The following PCDHGA7 variants were observed in gnomAD, a reference collection of about 807,000 sequenced individuals.
The protein encoded by PCDHGA7 is protocadherin gamma-A7.
In PCDHGA7, 44 loss-of-function variants were observed where a neutral mutation model predicts 58.3. That is an observed-to-expected ratio of 0.75 (90% CI 0.59 to 0.97). The LOEUF is 0.97. Among genes scored for constraint, PCDHGA7 ranks in the 50% least tolerant of loss-of-function variants. The probability of loss-of-function intolerance (pLI) is 0.00; values close to 1 mark genes in which losing one functional copy is unlikely to be tolerated. For synonymous variants in PCDHGA7, 516 were observed against 504.2 expected (o/e 1.02, Z -0.31); for missense variants, 1,266 against 1,188.7 (o/e 1.06, Z -0.96).
chr5:141,400,333 C>T (rs538201613), intron 1 of PCDHGA7: 2 of 1,614,032 alleles, frequency 1.2e-6, no homozygotes, highest in East Asian at 2.2e-5. Context: ...ACCTGTGGTT[C>T]CCCCCAACTA....
At chr5:141,406,277 C>T (rs1462690693) in intron 1 of PCDHGA7, among the ~76,000 whole-genome samples, 1 of 151,986 alleles carries the variant, frequency 6.6e-6, no homozygotes, top group Non-Finnish European at 1.5e-5. Flanking sequence ...GCTTCAGTTT[C>T]CCAAAGCACT....
rs777133589 is a variant in PCDHGA7, at chr5:141,390,020, C to G, written c.2424+4697C>G. The stretch of plus-strand genomic sequence containing the variant: ...CCATGATTCTGGCCATTGCCTTGCG[C>G]CTGCGACGCTCCTCCAGCCCCGCCT... On this transcript the variant is annotated intron_variant, in intron 1 of 3. Transcript: ENST00000518325. 4 of 1,613,930 alleles carry G rather than the reference C, an allele frequency of 2.5e-6. No homozygotes were observed. The African/African-American group carries it at 5.3e-5, about 22-fold the overall frequency.
chr5:141,456,773 G>A (rs1178932462), intron 1 of PCDHGA7, among the ~76,000 whole-genome samples: 6 of 151,980 alleles, frequency 3.9e-5, no homozygotes, highest in African/African-American at 1.2e-4. Context: ...GACCAGCCTG[G>A]CCTACATGGC....
intron 1 of PCDHGA7, among the ~76,000 whole-genome samples, chr5:141,466,558 C>T (rs1407160827): frequency 6.6e-6 from 1 of 152,120 alleles, no homozygotes; most frequent in Non-Finnish European, 1.5e-5. Flanking sequence ...CTGTGGGCTT[C>T]ATCTTCAACA....
intron 1 of PCDHGA7, among the ~76,000 whole-genome samples, chr5:141,466,436 G>A (rs181613158): frequency 1.3e-5 from 2 of 152,270 alleles, no homozygotes; most frequent in East Asian, 1.9e-4. Context: ...AAGCTGAACC[G>A]AGATGTCTAT....
At chr5:141,465,812 T>A (rs533291720) in intron 1 of PCDHGA7, among the ~76,000 whole-genome samples, 1 of 152,082 alleles carries the variant, frequency 6.6e-6, no homozygotes, top group South Asian at 2.1e-4. Flanking sequence ...TTCAGGATCT[T>A]GATCACATTT....
intron 1 of PCDHGA7, chr5:141,417,646 C>G: frequency 1.3e-6 from 1 of 797,874 alleles, no homozygotes. Context: ...GATCCCTCAG[C>G]CTCTAGCCTG....
chr5:141,433,199 ATCT>A (rs1202688924), intron 1 of PCDHGA7: 4 of 1,579,570 alleles, frequency 2.5e-6, no homozygotes, highest in East Asian at 2.2e-5. Context: ...TTTATATCAA[ATCT>A]TCTTTCTTTT....
At position 141,470,884 on chromosome 5, in the gene PCDHGA7, G is replaced by T. The variant is rs2099243316; in HGVS notation, c.2425-23923G>T. 3.3e-5 allele frequency among the ~76,000 whole-genome samples: 5 copies of T among 151,648 alleles called. No individual in the cohort carries two copies. In the South Asian group the frequency reaches 1.0e-3, roughly 32 times the overall value. On this transcript the variant is annotated intron_variant, in intron 1 of 3. Coordinates refer to ENST00000518325, the MANE Select transcript of PCDHGA7 (RefSeq NM_018920.4). ...TTTGTTTGTTTGTTTTTTTGTTTTT[G>T]TTTTTGTTTTTTGTAGAGATGGGAC...
intron 3 of PCDHGA7, 119 bp downstream of exon 3, chr5:141,505,600 G>T: frequency 1.3e-6 from 2 of 1,554,224 alleles, no homozygotes; most frequent in Middle Eastern, 3.4e-4. Context: ...AGATCTTTCG[G>T]CAGGTCTGAA....
At chr5:141,433,070 CCCCAG>C in intron 1 of PCDHGA7, 1 of 1,614,174 alleles carries the variant, frequency 6.2e-7, no homozygotes, top group Non-Finnish European at 8.5e-7. Context: ...CCTGATCTTC[CCCCAG>C]CCCAACTATG....
At chr5:141,415,885 C>G in intron 1 of PCDHGA7, 2 of 979,016 alleles carry the variant, frequency 2.0e-6, no homozygotes, top group Non-Finnish European at 2.7e-6. Flanking sequence ...ACAATATTGA[C>G]AATTCCTAAG....
chr5:141,509,157 C>T lies in PCDHGA7; in HGVS notation c.2573-1790C>T, dbSNP rs369133984. Among the ~76,000 whole-genome samples the T allele has an allele frequency of 2.6e-4, 40 of 152,314 alleles. No individual in the cohort carries two copies. In the South Asian group the frequency reaches 7.0e-3, roughly 27 times the overall value. On this transcript the variant is annotated intron_variant, in intron 3 of 3. Transcript: ENST00000518325. The stretch of plus-strand genomic sequence containing the variant: ...GAGGCGCATCCCGGCTCTCCCCTCC[C>T]GTGTGCCCTCCTCCTCTTATGCCGG...
At chr5:141,404,841 G>C (rs765291212) in intron 1 of PCDHGA7, 4 of 1,613,886 alleles carry the variant, frequency 2.5e-6, no homozygotes, top group African/African-American at 1.3e-5. Context: ...CGCACAGCTC[G>C]GGCCCTGCTA....
chr5:141,476,357 C>G lies in PCDHGA7; in HGVS notation c.2425-18450C>G. On this transcript the variant is annotated intron_variant, in intron 1 of 3. Transcript: ENST00000518325. The surrounding 1 kb of genome is among the most constrained non-coding windows in gnomAD (Gnocchi z 7.6). ...TAGCCGAAGATTCTTTGAGGTGAAC[C>G]GGGAGACCGGAGAGATGTTTGTGAA... The G allele has an allele frequency of 6.2e-7, 1 of 1,614,052 alleles. No individual in the cohort carries two copies. Among genetic ancestry groups the G allele is most frequent in the South Asian group, 1.1e-5 (1 of 91,078 alleles).
chr5:141,422,276 T>G, intron 1 of PCDHGA7: 3 of 1,558,820 alleles, frequency 1.9e-6, no homozygotes, highest in South Asian at 1.3e-5. Context: ...GAAATAACTA[T>G]CACCTCTTCT....
chr5:141,497,218 GA>G (rs1172998466), intron 2 of PCDHGA7, among the ~76,000 whole-genome samples: 1 of 149,792 alleles, frequency 6.7e-6, no homozygotes, highest in Non-Finnish European at 1.5e-5. Flanking sequence ...ATGGGGGGGG[GA>G]AGATCAGAGA....
At chr5:141,408,450 A>C in intron 1 of PCDHGA7, 1 of 1,613,944 alleles carries the variant, frequency 6.2e-7, no homozygotes, top group Non-Finnish European at 8.5e-7. Flanking sequence ...GAGAGCGGGG[A>C]CTTACTTGTG....
rs61612330 is a variant in PCDHGA7 at position 141,454,796 on chromosome 5, A to ATTTTTTTTTTTTTTTTTTTTTTTTT, written c.2425-40006_2425-39982dup. ...AAGGAAATAATCCTCCATGGTTCTA[A>ATTTTTTTTTTTTTTTTTTTTTTTTT]TTTTTTTTTTTTTTTTTTTTTTTTT... On this transcript the variant is annotated intron_variant, in intron 1 of 3. Coordinates refer to ENST00000518325, the MANE Select transcript of PCDHGA7 (RefSeq NM_018920.4). Among the ~76,000 whole-genome samples, 7 of 77,408 alleles carry ATTTTTTTTTTTTTTTTTTTTTTTTT rather than the reference A, an allele frequency of 9.0e-5. 1 individual carries two copies. Among genetic ancestry groups the ATTTTTTTTTTTTTTTTTTTTTTTTT allele is most frequent in the East Asian group, 4.0e-4 (1 of 2,514 alleles). 50.8% of individuals were successfully genotyped at this position (77,408 alleles called of 152,430 possible). A position where few individuals can be genotyped will look rare whatever the true frequency, so the allele number is the denominator to read the frequency against.
Sources: allele counts gnomAD v4.1 joint callset (sites outside exome capture counted in the v4.1 genomes callset), GRCh38; gene constraint gnomAD v4.1.1; non-coding constraint Gnocchi (gnomAD v3.1); transcripts MANE v1.5; gene names NCBI Gene and HGNC (gene_info 2026-07-23, HGNC 2026-07-21).